CUL9: variants seen among roughly 807,000 people sequenced by gnomAD.
The protein encoded by CUL9 is cullin-9.
In CUL9, 79 loss-of-function variants were observed where a neutral mutation model predicts 272.6. The observed-to-expected ratio is 0.29, with a 90% CI of 0.24 to 0.35. The LOEUF (loss-of-function observed/expected upper bound fraction) is 0.35, where lower values mean the gene tolerates loss of function less well. CUL9 is among the 10% of genes least tolerant of loss of function. The probability of loss-of-function intolerance (pLI) is 1.00; values close to 1 mark genes in which losing one functional copy is unlikely to be tolerated. For missense variants in CUL9, 2,532 were observed against 3,255.6 expected (o/e 0.78, Z 5.41); for synonymous variants, 1,186 against 1,286.5 (o/e 0.92, Z 1.67).
intron 26 of CUL9, chr6:43,212,802 C>G: frequency 4.4e-6 from 1 of 224,856 alleles, no homozygotes; most frequent in South Asian, 7.9e-5. Flanking sequence ...CTTGCCTGAG[C>G]TGTGAAACAG....
Position 43,223,195 on chromosome 6 carries a change from GTGTT to G in CUL9, c.7151-64_7151-61del. ...CTGGTGCTTGGTAGACGTTCCATAGGTGTTTGTTGGAGGAAGGAATGGATGAGAA... is the reference window on the plus strand; with the variant it reads ...CTGGTGCTTGGTAGACGTTCCATAGGTGTTGGAGGAAGGAATGGATGAGAA... On this transcript the variant is annotated intron_variant, in intron 38 of 40. Transcript: ENST00000252050. The surrounding 1 kb of genome is among the most constrained non-coding windows in gnomAD (Gnocchi z 4.1). 1 of 1,520,018 alleles carries G rather than the reference GTGTT, an allele frequency of 6.6e-7. No homozygotes were observed. Among genetic ancestry groups the G allele is most frequent in the Non-Finnish European group, 8.9e-7 (1 of 1,125,506 alleles). The allele number at this position is 1,520,018 out of a possible 1,614,324, so 94.2% of individuals were successfully genotyped here.
At chr6:43,212,901 A>T in intron 26 of CUL9, 1 of 440,642 alleles carries the variant, frequency 2.3e-6, no homozygotes, top group East Asian at 3.7e-5. Context: ...GTGTTTTTGC[A>T]TGGAACCTGC....
chr6:43,196,339 T>C, intron 10 of CUL9, 74 bp downstream of exon 10: 6 of 1,402,702 alleles, frequency 4.3e-6, no homozygotes, highest in East Asian at 2.3e-5. Context: ...TCCAGGCTCA[T>C]GTACTCCACA....
rs1347174700 is a variant in CUL9 at position 43,220,757 on chromosome 6, C to T, written c.6434C>T (p.Ala2145Val). ...SPEVISKYEK[A>V]LLRGYVESCS... ...CCTGCGTCTCCACAGTATGAGAAGG[C>T]GCTCCTGCGTGGCTATGTGGAGAGC... Residue 2145 changes from alanine (A) to valine (V), a missense_variant, in exon 33 of 41, where the codon GCG (alanine) becomes GTG (valine). Transcript: ENST00000252050. The surrounding 1 kb of genome is among the most constrained non-coding windows in gnomAD (Gnocchi z 4.9). 6 of 1,612,480 alleles carry T rather than the reference C, an allele frequency of 3.7e-6. No individual in the cohort carries two copies. Among genetic ancestry groups the T allele is most frequent in the South Asian group, 1.1e-5 (1 of 91,024 alleles).
At position 43,203,866 on chromosome 6, in the gene CUL9, T is replaced by C; in HGVS notation, c.4038T>C (p.Val1346=). Residue 1346 remains valine, a synonymous_variant, in exon 20 of 41, where the codon GTT becomes GTC. Transcript: ENST00000252050. The surrounding 1 kb of genome is among the most constrained non-coding windows in gnomAD (Gnocchi z 5.0). ...TGTTTGTTCCCAGACTGAACAGGGTTTTGCGCCACGAGCAGAATTTTGCTG... is the reference window on the plus strand; with the variant it reads ...TGTTTGTTCCCAGACTGAACAGGGTCTTGCGCCACGAGCAGAATTTTGCTG... ...LLQLCPRLNR[V]LRHEQNFADR... 6.2e-7 allele frequency: 1 copy of C among 1,611,842 alleles called. No individual in the cohort carries two copies. The highest frequency in any genetic ancestry group is 8.5e-7 in the Non-Finnish European group (1 of 1,178,542).
chr6:43,186,865 C>T, intron 4 of CUL9, 95 bp from the exon 5 acceptor site: 2 of 1,471,322 alleles, frequency 1.4e-6, no homozygotes, highest in Admixed American at 2.0e-5. Context: ...CGCCCCAGAT[C>T]TATGCTTGGG....
chr6:43,217,179 G>A (rs2150634323), intron 31 of CUL9, among the ~76,000 whole-genome samples: 1 of 152,198 alleles, frequency 6.6e-6, no homozygotes, highest in East Asian at 1.9e-4. Flanking sequence ...AACATGGCAA[G>A]ACCCCGTCTC....
chr6:43,207,471 A>G (rs1217458089), intron 26 of CUL9, among the ~76,000 whole-genome samples: 1 of 152,084 alleles, frequency 6.6e-6, no homozygotes, highest in Non-Finnish European at 1.5e-5. Flanking sequence ...TCATTAGTTT[A>G]TTCATTTATT....
Position 43,186,008 on chromosome 6 carries a change from C to T in CUL9, c.804C>T (p.Ser268=), listed in dbSNP as rs890751589. ...SLVKRYLCVT[S]LLDQLNSSPE... is the part of the protein sequence containing the mutation. Reference sequence around the variant, plus strand: ...TGAAGCGCTACCTTTGTGTCACGTCCCTCCTGGATCAGCTGAATAGCAGTC... The same window carrying T: ...TGAAGCGCTACCTTTGTGTCACGTCTCTCCTGGATCAGCTGAATAGCAGTC... Residue 268 remains serine, a synonymous_variant, in exon 4 of 41, where the codon TCC becomes TCT. Transcript: ENST00000252050. The T allele has an allele frequency of 2.5e-6, 4 of 1,614,000 alleles. No individual in the cohort carries two copies. The highest frequency in any genetic ancestry group is 3.4e-6 in the Non-Finnish European group (4 of 1,179,896).
intron 17 of CUL9, 65 bp downstream of exon 17, chr6:43,202,886 G>GACAA: frequency 1.4e-6 from 2 of 1,477,922 alleles, no homozygotes; most frequent in South Asian, 1.1e-5. Flanking sequence ...GTGCCTGTGG[G>GACAA]AAGGACCTAG....
Position 43,206,580 on chromosome 6 carries a change from G to A in CUL9, c.5212+70G>A, listed in dbSNP as rs991060485. ...GGGTGGCAAGAGAGGAAGAGGAGAG[G>A]ACCTTTGGACAGGATATAGATGTGA... On this transcript the variant is annotated intron_variant, in intron 26 of 40. Coordinates refer to ENST00000252050, the MANE Select transcript of CUL9 (RefSeq NM_015089.4). The surrounding 1 kb of genome is among the most constrained non-coding windows in gnomAD (Gnocchi z 4.8). The A allele has an allele frequency of 1.3e-5, 18 of 1,430,712 alleles. No individual in the cohort carries two copies. The highest frequency in any genetic ancestry group is 2.9e-6 in the Non-Finnish European group (3 of 1,017,312). 88.6% of individuals were successfully genotyped at this position (1,430,712 alleles called of 1,614,324 possible).
intron 8 of CUL9, among the ~76,000 whole-genome samples, chr6:43,192,504 C>G (rs1773618681): frequency 6.6e-6 from 1 of 152,194 alleles, no homozygotes; most frequent in African/African-American, 2.4e-5. Flanking sequence ...AACCCCGTCT[C>G]TACTGAAAAA....
chr6:43,212,624 T>C (rs1775611412), intron 26 of CUL9: 1 of 152,302 alleles, frequency 6.6e-6, no homozygotes, highest in Non-Finnish European at 1.5e-5. Flanking sequence ...TTTTAAAATA[T>C]TTTGTGTGGT....
chr6:43,186,982 G>T lies in CUL9; in HGVS notation c.1274G>T (p.Arg425Leu), dbSNP rs377386330. ...PVQVFWQSTG[R>L]TYWVHWHMLE... ...CAGGTTTTCTGGCAGTCGACAGGCC[G>T]CACTTACTGGGTGCACTGGCACATG... The change falls in exon 5 of 41, where the codon CGC becomes CTC. Residue 425 changes from arginine to leucine, a missense_variant. Physicochemically the swap from Arg to Leu is moderately radical, Grantham distance 102. Around this residue, in one of 3 missense-constraint regions of CUL9, gnomAD observed 2,218 missense variants for 2,788.6 expected, o/e 0.80. Transcript: ENST00000252050. The T allele has an allele frequency of 5.6e-6, 9 of 1,614,010 alleles. No homozygotes were observed. The highest frequency in any genetic ancestry group is 2.2e-5 in the East Asian group (1 of 44,880).
Position 43,223,417 on chromosome 6 carries a change from C to G in CUL9, c.7284+20C>G. 1 of 1,576,364 alleles carries G rather than the reference C, an allele frequency of 6.3e-7. No individual in the cohort carries two copies. Among genetic ancestry groups the G allele is most frequent in the Non-Finnish European group, 8.6e-7 (1 of 1,157,092 alleles). ...GCCCAGGTACTGCCCGGCCCAGACC[C>G]CTTCTGCTCCTGCATTCTGCGGGAG... On this transcript the variant is annotated intron_variant, in intron 39 of 40. Coordinates refer to ENST00000252050, the MANE Select transcript of CUL9 (RefSeq NM_015089.4). This position sits in a 1 kb window ranked among gnomAD's most constrained non-coding sequence, Gnocchi z 4.1.
intron 8 of CUL9, among the ~76,000 whole-genome samples, chr6:43,191,310 T>G (rs74699365): frequency 0.099 from 13,641 of 137,360 alleles, 681 homozygotes; most frequent in African/African-American, 0.14. Flanking sequence ...TTTTTTTTTT[T>G]GTTTGTTTTT....
At position 43,196,354 on chromosome 6, in the gene CUL9, T is replaced by G. The variant is rs578148899; in HGVS notation, c.2585+89T>G. 1.4e-4 allele frequency: 186 copies of G among 1,292,386 alleles called. No homozygotes were observed. The African/African-American group carries it at 2.4e-3, about 17-fold the overall frequency. The allele number at this position is 1,292,386 out of a possible 1,614,324, so 80.1% of individuals were successfully genotyped here. On this transcript the variant is annotated intron_variant, in intron 10 of 40. Coordinates refer to ENST00000252050, the MANE Select transcript of CUL9 (RefSeq NM_015089.4). ...TCCAGGCTCATGTACTCCACAGAAA[T>G]TCCCCTCACGCTGTCACCTCCGGAT...
Position 43,213,783 on chromosome 6 carries a change from A to G in CUL9, c.5559A>G (p.Ala1853=). ...GEALWLIPPQ[A]YLNVEKDEGR... ...CCCTGTGGCTGATACCTCCCCAGGC[A>G]TACCTGAACGTAGAGAAGGATGAAG... Residue 1853 remains alanine (A), a synonymous_variant, in exon 29 of 41, where the codon GCA becomes GCG. Coordinates refer to ENST00000252050, the MANE Select transcript of CUL9 (RefSeq NM_015089.4). This position sits in a 1 kb window ranked among gnomAD's most constrained non-coding sequence, Gnocchi z 5.7. 1 of 1,614,198 alleles carries G rather than the reference A, an allele frequency of 6.2e-7. No homozygotes were observed. Among genetic ancestry groups the G allele is most frequent in the Non-Finnish European group, 8.5e-7 (1 of 1,180,042 alleles).
In CUL9 at chr6:43,216,254, T is replaced by C; in HGVS notation, c.6033T>C (p.Arg2011=). 1.2e-6 allele frequency: 2 copies of C among 1,613,786 alleles called. No individual in the cohort carries two copies. The change falls in exon 31 of 41, where the codon CGT becomes CGC. Residue 2011 remains arginine, a synonymous_variant. Coordinates refer to ENST00000252050, the MANE Select transcript of CUL9 (RefSeq NM_015089.4). ...AAGGGTTGATGAAGCAGACGGTGCG[T>C]CAGGTGCAGGAGACGCTGAACTTAG... ...EVEGLMKQTV[R]QVQETLNLEP...
Sources: allele counts gnomAD v4.1 joint callset (sites outside exome capture counted in the v4.1 genomes callset), GRCh38; gene constraint gnomAD v4.1.1; regional missense constraint gnomAD v4.1.1; non-coding constraint Gnocchi (gnomAD v3.1); transcripts MANE v1.5; gene names NCBI Gene and HGNC (gene_info 2026-07-23, HGNC 2026-07-21).